Variants in CLSPN observed in about 807,000 individuals in gnomAD.
CLSPN encodes claspin homolog.
CLSPN carries 85 observed loss-of-function variants against 156.3 expected under a neutral mutation model. The ratio of observed to expected loss-of-function variants is 0.54; its 90% CI spans 0.46 to 0.65. The LOEUF (loss-of-function observed/expected upper bound fraction) is 0.65, where lower values mean the gene tolerates loss of function less well. Ranked by LOEUF, CLSPN falls within the 30% of genes least tolerant of loss-of-function variation. The pLI is 0.00. For missense variants in CLSPN, 1,407 were observed against 1,554.9 expected (o/e 0.90, Z 1.60); for synonymous variants, 534 against 542.4 (o/e 0.98, Z 0.22).
chr1:35,745,425 C>A, intron 16 of CLSPN, 26 bp downstream of exon 16: 1 of 1,524,644 alleles, frequency 6.6e-7, no homozygotes, highest in South Asian at 1.1e-5. Context: ...CAGGCCTTCC[C>A]AAATTCCCAG....
chr1:35,755,546 T>C (rs1189254569), intron 8 of CLSPN, among the ~76,000 whole-genome samples: 1 of 152,140 alleles, frequency 6.6e-6, no homozygotes, highest in Non-Finnish European at 1.5e-5. Flanking sequence ...GTGCTGAGAT[T>C]ACAGGAGTGA....
intron 24 of CLSPN, among the ~76,000 whole-genome samples, chr1:35,724,507 T>G (rs1455738864): frequency 6.6e-6 from 1 of 152,174 alleles, no homozygotes; most frequent in African/African-American, 2.4e-5. Context: ...CCTCAGAGTT[T>G]CCATATCAGA....
downstream of CLSPN, among the ~76,000 whole-genome samples, chr1:35,729,318 C>T (rs1048539989): frequency 1.3e-5 from 2 of 152,132 alleles, no homozygotes; most frequent in African/African-American, 4.8e-5. Context: ...TCAAGAATTC[C>T]GCGGACTACG....
At chr1:35,738,412 G>A in intron 21 of CLSPN, 43 bp downstream of exon 21, 1 of 1,601,074 alleles carries the variant, frequency 6.2e-7, no homozygotes, top group Non-Finnish European at 8.5e-7. Context: ...GACAAGCTAA[G>A]GGACAGTCTC....
In CLSPN at chr1:35,738,056, A is replaced by T; in HGVS notation, c.3600T>A (p.Ile1200=). Reference sequence around the variant, plus strand: ...GTATCATAAACTGACTGTCCTCCCCAATTTCTTCTTCTTCTTCAGCTGTAA... The same window carrying T: ...GTATCATAAACTGACTGTCCTCCCCTATTTCTTCTTCTTCTTCAGCTGTAA... ...GKITAEEEEE[I]GEDSQFMILA... The change falls in exon 22 of 25, where the codon ATT becomes ATA. Residue 1200 remains isoleucine, a synonymous_variant. Coordinates refer to ENST00000318121, the MANE Select transcript of CLSPN (RefSeq NM_022111.4). 6.8e-7 allele frequency: 1 copy of T among 1,462,776 alleles called. No individual in the cohort carries two copies. Among genetic ancestry groups the T allele is most frequent in the Non-Finnish European group, 9.1e-7 (1 of 1,096,656 alleles). The allele number at this position is 1,462,776 out of a possible 1,614,324, so 90.6% of individuals were successfully genotyped here.
chr1:35,757,287 A>G (rs1289667373), intron 8 of CLSPN, among the ~76,000 whole-genome samples: 2 of 152,216 alleles, frequency 1.3e-5, no homozygotes, highest in African/African-American at 4.8e-5. Context: ...CTTTGAGAGC[A>G]GGGAGTGTTT....
In CLSPN at chr1:35,732,121, T is replaced by C. The variant is rs1641331071; in HGVS notation, c.*4375A>G. 4.1e-6 allele frequency: 4 copies of C among 976,000 alleles called. No individual in the cohort carries two copies. The highest frequency in any genetic ancestry group is 4.9e-6 in the Non-Finnish European group (4 of 821,408). The allele number at this position is 976,000 out of a possible 1,614,324, so 60.5% of individuals were successfully genotyped here. A position where few individuals can be genotyped will look rare whatever the true frequency, so the allele number is the denominator to read the frequency against. ...TTATAAACAGAGGCTCTGAAAGGTG[T>C]AGTGTTATTTATTCAAACTGTGGTA... On this transcript the variant is annotated 3_prime_UTR_variant, in exon 25 of 25. Transcript: ENST00000318121.
chr1:35,755,355 C>T (rs968744827), intron 8 of CLSPN, among the ~76,000 whole-genome samples: 1 of 152,120 alleles, frequency 6.6e-6, no homozygotes, highest in Non-Finnish European at 1.5e-5. Flanking sequence ...TAACCTCCAC[C>T]TCCTGGGTTC....
At chr1:35,721,371 A>G (rs1449349632) in intron 24 of CLSPN, among the ~76,000 whole-genome samples, 2 of 152,078 alleles carry the variant, frequency 1.3e-5, no homozygotes, top group African/African-American at 2.4e-5. Context: ...CATTCCTCCC[A>G]TGATGCTATC....
At position 35,760,442 on chromosome 1, in the gene CLSPN, A is replaced by G; in HGVS notation, c.1479T>C (p.Thr493=). The change falls in exon 8 of 25, where the codon ACT becomes ACC. Residue 493 remains threonine (T), a synonymous_variant. Transcript: ENST00000318121. ...VGPPEKVRRF[T]LDRLKQLGVD... is the part of the protein sequence containing the mutation. ...CTCCCAGTTGCTTAAGTCTATCCAGAGTAAACCGTCTCACTTTTTCAGGTG... is the reference window on the plus strand; with the variant it reads ...CTCCCAGTTGCTTAAGTCTATCCAGGGTAAACCGTCTCACTTTTTCAGGTG... 6.2e-7 allele frequency: 1 copy of G among 1,614,246 alleles called. No individual in the cohort carries two copies. Among genetic ancestry groups the G allele is most frequent in the Non-Finnish European group, 8.5e-7 (1 of 1,180,036 alleles).
At chr1:35,764,964 C>T (rs1226511315) in intron 2 of CLSPN, among the ~76,000 whole-genome samples, 2 of 152,106 alleles carry the variant, frequency 1.3e-5, no homozygotes, top group Non-Finnish European at 2.9e-5. Context: ...TTCTAACCTC[C>T]GGCAGGTGTT....
rs772615866 is a variant in CLSPN, at chr1:35,736,993, G to A, written c.3830C>T (p.Pro1277Leu). ...AALSDHNPSAPRNSRNFVFHT... is the reference protein window; with the variant it reads ...AALSDHNPSALRNSRNFVFHT... ...AAAGACAAAGTTTCTTGAATTTCGA[G>A]GAGCACTGGGGTTATGGTCAGAGAG... is the stretch of plus-strand genomic sequence containing the variant. Residue 1277 changes from proline to leucine, a missense_variant, in exon 24 of 25, where the codon CCT becomes CTT. Physicochemically the swap from Pro to Leu is moderately conservative, Grantham distance 98. Coordinates refer to ENST00000318121, the MANE Select transcript of CLSPN (RefSeq NM_022111.4). 3.5e-5 allele frequency: 57 copies of A among 1,614,018 alleles called. No homozygotes were observed. Among genetic ancestry groups the A allele is most frequent in the Admixed American group, 5.0e-5 (3 of 60,000 alleles).
At chr1:35,749,850 T>A (rs1166602103) in intron 10 of CLSPN, 39 bp from the exon 11 acceptor site, 6 of 1,592,438 alleles carry the variant, frequency 3.8e-6, no homozygotes, top group Non-Finnish European at 5.1e-6. Context: ...AAAATACAAG[T>A]CAAAACATTT....
chr1:35,734,461 C>A lies in CLSPN; in HGVS notation c.*2035G>T. On this transcript the variant is annotated 3_prime_UTR_variant, in exon 25 of 25. Coordinates refer to ENST00000318121, the MANE Select transcript of CLSPN (RefSeq NM_022111.4). ...TTGGGAGGCCGAGACGGGTGGATCA[C>A]CTCAGGTCAGGAGTTCAAGACCAGC... is the stretch of plus-strand genomic sequence containing the variant. 1 of 699,196 alleles carries A rather than the reference C, an allele frequency of 1.4e-6. No homozygotes were observed. Among genetic ancestry groups the A allele is most frequent in the Non-Finnish European group, 1.8e-6 (1 of 569,056 alleles). The allele number at this position is 699,196 out of a possible 1,614,324, so 43.3% of individuals were successfully genotyped here.
chr1:35,769,074 G>C (rs1571228241), intron 1 of CLSPN, among the ~76,000 whole-genome samples: 1 of 152,170 alleles, frequency 6.6e-6, no homozygotes, highest in Non-Finnish European at 1.5e-5. Context: ...GTCGGATCTC[G>C]TCTTTGTTTA....
chr1:35,758,393 C>A (rs1427466211), intron 8 of CLSPN, among the ~76,000 whole-genome samples: 1 of 152,022 alleles, frequency 6.6e-6, no homozygotes, highest in Non-Finnish European at 1.5e-5. Context: ...ACCTGTAATC[C>A]CAGCACTTTG....
rs1557495673 is a variant in CLSPN at position 35,732,721 on chromosome 1, T to TAG, written c.*3773_*3774dup. The TAG allele has an allele frequency of 1.0e-6, 1 of 985,274 alleles. No homozygotes were observed. Among genetic ancestry groups the TAG allele is most frequent in the Non-Finnish European group, 1.2e-6 (1 of 829,922 alleles). The allele number at this position is 985,274 out of a possible 1,614,324, so 61.0% of individuals were successfully genotyped here. The stretch of plus-strand genomic sequence containing the variant: ...TGAAGCTGAGTCCTCCTCAGAGCCA[T>TAG]AGTGGCAGGTCCTGGGGCTTCAATT... On this transcript the variant is annotated 3_prime_UTR_variant, in exon 25 of 25. Coordinates refer to ENST00000318121, the MANE Select transcript of CLSPN (RefSeq NM_022111.4).
intron 18 of CLSPN, 151 bp from the exon 19 acceptor site, chr1:35,739,680 T>C (rs928485962): frequency 3.4e-5 from 20 of 591,602 alleles, no homozygotes; most frequent in African/African-American, 3.0e-4. Context: ...TCTCCACTTA[T>C]GATGGTTTGA....
chr1:35,747,615 CAAT>C (rs1195445476), intron 14 of CLSPN, among the ~76,000 whole-genome samples: 3 of 152,196 alleles, frequency 2.0e-5, no homozygotes, highest in Admixed American at 1.3e-4. Context: ...CCTTACCCAA[CAAT>C]AATAACATAG....
Sources: gnomAD v4.1 joint callset for allele counts (sites outside exome capture counted in the v4.1 genomes callset) on GRCh38, gnomAD v4.1.1 for gene constraint, MANE v1.5 for transcripts, NCBI Gene and HGNC (gene_info 2026-07-23, HGNC 2026-07-21) for gene names.